ZMYM2: variants seen among roughly 807,000 people sequenced by gnomAD.
ZMYM2 encodes zinc finger MYM-type containing 2.
ZMYM2 carries 56 observed loss-of-function variants against 162.8 expected under a neutral mutation model. The observed-to-expected ratio is 0.34, with a 90% confidence interval of 0.28 to 0.43. The LOEUF (loss-of-function observed/expected upper bound fraction) is 0.43, where lower values mean the gene tolerates loss of function less well. ZMYM2 is among the 20% of genes least tolerant of loss of function. The pLI is 1.00. For missense variants in ZMYM2, 1,275 were observed against 1,621.8 expected, an observed-to-expected ratio of 0.79 and a Z score of 3.67; for synonymous variants, 510 against 541.6, an observed-to-expected ratio of 0.94 and a Z score of 0.81.
chr13:19,969,288 A>T (rs1956088317), intron 2 of ZMYM2, among the ~76,000 whole-genome samples: 1 of 152,194 alleles, frequency 6.6e-6, no homozygotes. Context: ...TGATCAGTTT[A>T]TTAGGCCAGT....
chr13:20,013,319 T>C (rs1385659704), intron 6 of ZMYM2, among the ~76,000 whole-genome samples: 4 of 152,246 alleles, frequency 2.6e-5, no homozygotes, highest in African/African-American at 4.8e-5. Context: ...TGTGCAAGTT[T>C]ACTGAATGTT....
the ZMYM2 span, among the ~76,000 whole-genome samples, chr13:19,933,322 T>C: frequency 6.6e-6 from 1 of 152,204 alleles, no homozygotes; most frequent in Non-Finnish European, 1.5e-5. Flanking sequence ...TGGTTATTTC[T>C]CCTTATAGTA....
In ZMYM2 at chr13:20,087,994, C is replaced by A. The variant is rs1958367698; in HGVS notation, c.*1980C>A. The A allele has an allele frequency of 5.1e-6, 1 of 195,852 alleles. No individual in the cohort carries two copies. Among genetic ancestry groups the A allele is most frequent in the East Asian group, 7.9e-5 (1 of 12,642 alleles). The allele number at this position is 195,852 out of a possible 1,614,324, so 12.1% of individuals were successfully genotyped here. A position where few individuals can be genotyped will look rare whatever the true frequency, so the allele number is the denominator to read the frequency against. The stretch of plus-strand genomic sequence containing the variant: ...TTCCATCAAGAGCAATAAAGTTTTT[C>A]CCAGGTGTCACTTATTGTATATGTT... On this transcript the variant is annotated 3_prime_UTR_variant, in exon 25 of 25. Transcript: ENST00000610343.
rs1050130512 is a variant in ZMYM2 at position 20,087,667 on chromosome 13, TA to T, written c.*1659del. The T allele has an allele frequency of 1.1e-5, 2 of 184,190 alleles. No homozygotes were observed. The highest frequency in any genetic ancestry group is 6.2e-5 in the Admixed American group (1 of 16,012). The allele number at this position is 184,190 out of a possible 1,614,324, so 11.4% of individuals were successfully genotyped here. A position where few individuals can be genotyped will look rare whatever the true frequency, so the allele number is the denominator to read the frequency against. On this transcript the variant is annotated 3_prime_UTR_variant, in exon 25 of 25. Coordinates refer to ENST00000610343, the MANE Select transcript of ZMYM2 (RefSeq NM_197968.4). Reference sequence around the variant, plus strand: ...CAATAATTATCTGAATGTTTTGGCATAAAAAATTATAATGTTCTAACTTGTT... The same window carrying T: ...CAATAATTATCTGAATGTTTTGGCATAAAAATTATAATGTTCTAACTTGTT...
At chr13:19,993,984 A>G in intron 3 of ZMYM2, 65 bp downstream of exon 3, 2 of 1,527,990 alleles carry the variant, frequency 1.3e-6, no homozygotes, top group South Asian at 2.6e-5. Flanking sequence ...TGCTTTTTTC[A>G]TTGTAGTAAC....
chr13:20,037,861 T>C (rs1594510200), intron 12 of ZMYM2, among the ~76,000 whole-genome samples: 1 of 152,242 alleles, frequency 6.6e-6, no homozygotes, highest in East Asian at 1.9e-4. Flanking sequence ...AAGTAAAAAT[T>C]TGGGTCATGT....
chr13:19,958,198 G>A (rs540778811), upstream of ZMYM2, among the ~76,000 whole-genome samples: 2 of 151,932 alleles, frequency 1.3e-5, no homozygotes, highest in Admixed American at 1.3e-4. Flanking sequence ...CCGCTCCAGC[G>A]CCTCCCCGGC....
chr13:19,944,761 C>T, the ZMYM2 span, among the ~76,000 whole-genome samples: 2 of 152,244 alleles, frequency 1.3e-5, no homozygotes, highest in East Asian at 3.9e-4. Flanking sequence ...CCTCCGCCTC[C>T]CAGAATCAAG....
chr13:19,930,645 C>T, the ZMYM2 span, among the ~76,000 whole-genome samples: 1 of 150,804 alleles, frequency 6.6e-6, no homozygotes, highest in Non-Finnish European at 1.5e-5. Flanking sequence ...TCAAGAGATT[C>T]TCCTGCCTCA....
chr13:19,932,080 T>C, the ZMYM2 span, among the ~76,000 whole-genome samples: 17 of 152,384 alleles, frequency 1.1e-4, no homozygotes, highest in East Asian at 3.3e-3. Context: ...TAAGAATTCC[T>C]TAATGGTTTA....
rs1167225250 is a variant in ZMYM2 at position 19,958,776 on chromosome 13, G to C, written c.-145G>C. 6 of 151,936 alleles carry C rather than the reference G, an allele frequency of 3.9e-5. No homozygotes were observed. Among genetic ancestry groups the C allele is most frequent in the Admixed American group, 3.3e-4 (5 of 15,266 alleles). 9.4% of individuals were successfully genotyped at this position (151,936 alleles called of 1,614,324 possible). ...GGGACTGGACCGAGCGGAGTTGTGCGTGTCGCCGAAGGGGGGTGGGCCGGG... is the reference window on the plus strand; with the variant it reads ...GGGACTGGACCGAGCGGAGTTGTGCCTGTCGCCGAAGGGGGGTGGGCCGGG... On this transcript the variant is annotated 5_prime_UTR_variant, in exon 1 of 25. Transcript: ENST00000610343.
At chr13:19,994,407 T>C (rs1167647366) in intron 3 of ZMYM2, among the ~76,000 whole-genome samples, 1 of 152,248 alleles carries the variant, frequency 6.6e-6, no homozygotes, top group Non-Finnish European at 1.5e-5. Flanking sequence ...GAATTTTTAC[T>C]AGTGTTTTAG....
At chr13:19,866,853 C>A in the ZMYM2 span, among the ~76,000 whole-genome samples, 2 of 151,790 alleles carry the variant, frequency 1.3e-5, no homozygotes, top group Non-Finnish European at 2.9e-5. Context: ...ATGATTGTGC[C>A]ACTGCACTCC....
chr13:19,919,930 C>T, the ZMYM2 span, among the ~76,000 whole-genome samples: 14 of 152,184 alleles, frequency 9.2e-5, no homozygotes, highest in African/African-American at 3.4e-4. Flanking sequence ...GCCTCAGCCT[C>T]CCAAAGTGCT....
intron 10 of ZMYM2, among the ~76,000 whole-genome samples, chr13:20,032,595 C>CTTTTTTT (rs1566350627): frequency 1.0e-5 from 1 of 96,378 alleles, no homozygotes; most frequent in Non-Finnish European, 2.2e-5. Context: ...GATTTTTTTT[C>CTTTTTTT]TGTCTTTTTT....
the ZMYM2 span, among the ~76,000 whole-genome samples, chr13:19,885,020 T>C: frequency 1.4e-4 from 21 of 152,134 alleles, no homozygotes; most frequent in African/African-American, 5.1e-4. Flanking sequence ...CTGATTGGTA[T>C]ATTTATAATC....
At chr13:20,026,205 C>G (rs916215495) in intron 7 of ZMYM2, 2 of 153,158 alleles carry the variant, frequency 1.3e-5, no homozygotes, top group African/African-American at 2.4e-5. Context: ...CAAATTCATT[C>G]TTCACCATAC....
the ZMYM2 span, among the ~76,000 whole-genome samples, chr13:19,935,229 G>T: frequency 7.2e-5 from 11 of 152,146 alleles, no homozygotes; most frequent in African/African-American, 2.7e-4. Flanking sequence ...CTGCCTCCAG[G>T]TTCAAGAGAT....
rs56664916 is a variant in ZMYM2, at chr13:20,075,670, C to CTTTTTT, written c.3454-6319_3454-6314dup. ...TTATTATGAATAGAACTATAGACACCTTTTTTTTTTTTTTTTTTTTTTTTT... is the reference window on the plus strand; with the variant it reads ...TTATTATGAATAGAACTATAGACACCTTTTTTTTTTTTTTTTTTTTTTTTTTTTTTT... On this transcript the variant is annotated intron_variant, in intron 21 of 24. Transcript: ENST00000610343. Among the ~76,000 whole-genome samples, 90 of 75,716 alleles carry CTTTTTT rather than the reference C, an allele frequency of 1.2e-3. 8 individuals are homozygous for CTTTTTT. Among genetic ancestry groups the CTTTTTT allele is most frequent in the African/African-American group, 4.0e-3 (74 of 18,452 alleles). 49.7% of individuals were successfully genotyped at this position (75,716 alleles called of 152,430 possible).
Sources: allele counts gnomAD v4.1 joint callset (sites outside exome capture counted in the v4.1 genomes callset), GRCh38; gene constraint gnomAD v4.1.1; transcripts MANE v1.5; gene names NCBI Gene and HGNC (gene_info 2026-07-23, HGNC 2026-07-21).